Variants in SCN2A observed in about 807,000 individuals in gnomAD.
The protein encoded by SCN2A is sodium channel protein type 2 subunit alpha.
SCN2A carries 20 observed loss-of-function variants against 188.7 expected under a neutral mutation model. That is an observed-to-expected ratio of 0.11 (90% CI 0.07 to 0.15). The LOEUF (loss-of-function observed/expected upper bound fraction) is 0.15, where lower values mean the gene tolerates loss of function less well. SCN2A is among the 10% of genes least tolerant of loss of function. SCN2A has a pLI of 1.00. For missense variants in SCN2A, 1,278 were observed against 2,445.0 expected (o/e 0.52, Z 10.07); for synonymous variants, 804 against 833.1 (o/e 0.97, Z 0.60).
Position 165,327,120 on chromosome 2 carries a change from C to T in SCN2A, c.2149+136C>T, listed in dbSNP as rs140497866. ...CATTTTACTAAATAACAGTAAAATC[C>T]GTGCATAACTCATGGATTCTATTAT... On this transcript the variant is annotated intron_variant, in intron 13 of 26. Coordinates refer to ENST00000375437, the MANE Select transcript of SCN2A (RefSeq NM_001040142.2). 2,095 of 1,112,890 alleles carry T rather than the reference C, an allele frequency of 1.9e-3. 31 individuals carry two copies. The African/African-American group carries it at 0.026, about 14-fold the overall frequency. 68.9% of individuals were successfully genotyped at this position (1,112,890 alleles called of 1,614,324 possible). A position where few individuals can be genotyped will look rare whatever the true frequency, so the allele number is the denominator to read the frequency against.
chr2:165,379,637 C>T (rs1247308377), intron 23 of SCN2A, among the ~76,000 whole-genome samples: 1 of 151,738 alleles, frequency 6.6e-6, no homozygotes, highest in East Asian at 1.9e-4. Flanking sequence ...AATTTTACAT[C>T]ACTGTTAACT....
intron 3 of SCN2A, among the ~76,000 whole-genome samples, chr2:165,301,897 T>C (rs1221686064): frequency 1.3e-5 from 2 of 152,208 alleles, no homozygotes; most frequent in African/African-American, 2.4e-5. Context: ...TATTTAGTTT[T>C]TTCTAAGGCT....
chr2:165,335,706 A>G (rs1031286356), intron 14 of SCN2A, among the ~76,000 whole-genome samples: 1 of 151,862 alleles, frequency 6.6e-6, no homozygotes, highest in East Asian at 1.9e-4. Context: ...CTTAGATATG[A>G]TACCAAAAGC....
At chr2:165,291,035 C>CTTTTTTTTTT (rs55979694) in intron 1 of SCN2A, among the ~76,000 whole-genome samples, 214 of 79,940 alleles carry the variant, frequency 2.7e-3, no homozygotes, top group East Asian at 6.7e-3. Context: ...TCTTTTCTTT[C>CTTTTTTTTTT]TTTTTTTTTT....
In SCN2A at chr2:165,381,154, A is replaced by C. The variant is rs1380398196; in HGVS notation, c.4508A>C (p.Lys1503Thr). 6.3e-7 allele frequency: 1 copy of C among 1,591,092 alleles called. No individual in the cohort carries two copies. Among genetic ancestry groups the C allele is most frequent in the Non-Finnish European group, 8.6e-7 (1 of 1,167,366 alleles). The change falls in exon 25 of 27, where the codon AAA (lysine) becomes ACA (threonine). Residue 1503 changes from lysine to threonine, a missense_variant. By Grantham distance (78) the Lys-to-Thr change is moderately conservative. This residue lies in a region of SCN2A where 97 missense variants were observed against 266.1 expected (regional missense o/e 0.36). Coordinates refer to ENST00000375437, the MANE Select transcript of SCN2A (RefSeq NM_001040142.2). Reference protein sequence around the residue: ...EQKKYYNAMKKLGSKKPQKPI... With the variant: ...EQKKYYNAMKTLGSKKPQKPI... Reference sequence around the variant, plus strand: ...AAGAAATACTACAATGCAATGAAAAAACTGGGTTCAAAGAAACCACAAAAA... The same window carrying C: ...AAGAAATACTACAATGCAATGAAAACACTGGGTTCAAAGAAACCACAAAAA...
chr2:165,378,014 T>C (rs951625777), intron 23 of SCN2A, among the ~76,000 whole-genome samples: 4 of 151,760 alleles, frequency 2.6e-5, no homozygotes, highest in African/African-American at 9.7e-5. Context: ...TCCTCCAGCT[T>C]TTGATCTTCC....
In SCN2A at chr2:165,381,245, C is replaced by G. The variant is rs151253466; in HGVS notation, c.4551+48C>G. 6 of 1,307,632 alleles carry G rather than the reference C, an allele frequency of 4.6e-6. No individual in the cohort carries two copies. In the African/African-American group the frequency reaches 5.9e-5, roughly 13 times the overall value. The allele number at this position is 1,307,632 out of a possible 1,614,324, so 81.0% of individuals were successfully genotyped here. ...GCCTGTTAAAACTATATTACCTAAC[C>G]GTTTCACAGCCCGAATTTCTAGAAA... On this transcript the variant is annotated intron_variant, in intron 25 of 26. Coordinates refer to ENST00000375437, the MANE Select transcript of SCN2A (RefSeq NM_001040142.2).
chr2:165,267,829 CCAA>C (rs778787817), intron 1 of SCN2A: 18 of 151,888 alleles, frequency 1.2e-4, no homozygotes, highest in Non-Finnish European at 1.3e-4. Flanking sequence ...ATACAAATGG[CCAA>C]CAAGTGTATG....
intron 1 of SCN2A, among the ~76,000 whole-genome samples, chr2:165,278,846 C>T (rs760682472): frequency 6.6e-6 from 1 of 152,114 alleles, no homozygotes; most frequent in African/African-American, 2.4e-5. Context: ...GGGAGGATCT[C>T]TTGGGCCTGG....
intron 1 of SCN2A, among the ~76,000 whole-genome samples, chr2:165,278,434 G>C (rs545783125): frequency 3.1e-4 from 47 of 152,206 alleles, no homozygotes; most frequent in African/African-American, 1.1e-3. Context: ...GAGCAAAGAG[G>C]GGAGAGCCCC....
chr2:165,275,027 G>A (rs1312388763), intron 1 of SCN2A, among the ~76,000 whole-genome samples: 5 of 152,226 alleles, frequency 3.3e-5, no homozygotes, highest in African/African-American at 1.2e-4. Context: ...CCAGATGGCA[G>A]GCCTAACTGA....
rs1699479492 is a variant in SCN2A, at chr2:165,344,681, G to A, written c.2689G>A (p.Val897Met). ...GGCCATCATCGTCTTCATTTTTGCT[G>A]TGGTCGGCATGCAGCTCTTTGGTAA... The part of the protein sequence containing the change: ...VLAIIVFIFA[V>M]VGMQLFGKSY... Residue 897 changes from valine to methionine, a missense_variant, in exon 16 of 27, where the codon GTG becomes ATG. Val to Met is a conservative substitution (Grantham distance 21). Around this residue, in one of 17 missense-constraint regions of SCN2A, gnomAD observed 83 missense variants for 256.8 expected, o/e 0.32. Coordinates refer to ENST00000375437, the MANE Select transcript of SCN2A (RefSeq NM_001040142.2). 6.2e-7 allele frequency: 1 copy of A among 1,614,006 alleles called. No individual in the cohort carries two copies.
chr2:165,382,835 C>G (rs1280875950), intron 25 of SCN2A, among the ~76,000 whole-genome samples: 1 of 152,082 alleles, frequency 6.6e-6, no homozygotes, highest in Non-Finnish European at 1.5e-5. Context: ...AACACAGATT[C>G]ATTTTTGAAA....
At chr2:165,323,940 C>T (rs1237678181) in intron 12 of SCN2A, among the ~76,000 whole-genome samples, 1 of 152,106 alleles carries the variant, frequency 6.6e-6, no homozygotes, top group Non-Finnish European at 1.5e-5. Flanking sequence ...ATTTAAATCC[C>T]ATAGTACAAC....
intron 1 of SCN2A, among the ~76,000 whole-genome samples, chr2:165,284,590 C>T (rs1695746322): frequency 6.6e-6 from 1 of 152,088 alleles, no homozygotes; most frequent in African/African-American, 2.4e-5. Context: ...TTTTTCTCCC[C>T]CATAAAAGAG....
chr2:165,311,074 C>G (rs911444036), intron 7 of SCN2A, among the ~76,000 whole-genome samples: 1 of 152,030 alleles, frequency 6.6e-6, no homozygotes, highest in African/African-American at 2.4e-5. Context: ...GTGTGCTCCT[C>G]AGAAGGTTAA....
At position 165,289,189 on chromosome 2, in the gene SCN2A, G is replaced by GA. The variant is rs565003110; in HGVS notation, c.-51-6577dup. 2.2e-3 allele frequency among the ~76,000 whole-genome samples: 327 copies of GA among 151,884 alleles called. 4 individuals are homozygous for GA. Among genetic ancestry groups the GA allele is most frequent in the African/African-American group, 7.4e-3 (307 of 41,470 alleles). ...TGTATTATTAATGTGGATCTTTGTAGAAAAAAATTGTGGTACAATGTTTAT... is the reference window on the plus strand; with the variant it reads ...TGTATTATTAATGTGGATCTTTGTAGAAAAAAAATTGTGGTACAATGTTTAT... On this transcript the variant is annotated intron_variant, in intron 1 of 26. Transcript: ENST00000375437.
At chr2:165,376,686 G>A (rs552722149) in intron 22 of SCN2A, among the ~76,000 whole-genome samples, 1 of 150,036 alleles carries the variant, frequency 6.7e-6, no homozygotes, top group Non-Finnish European at 1.5e-5. Context: ...GGCCCCAAGG[G>A]GGGTTGAAAA....
intron 1 of SCN2A, chr2:165,293,936 C>A: frequency 1.0e-6 from 1 of 957,998 alleles, no homozygotes; most frequent in Non-Finnish European, 1.2e-6. Flanking sequence ...AGTCCCTGTA[C>A]AGGAAATGCC....
Sources: allele counts gnomAD v4.1 joint callset (sites outside exome capture counted in the v4.1 genomes callset), GRCh38; gene constraint gnomAD v4.1.1; regional missense constraint gnomAD v4.1.1; transcripts MANE v1.5; gene names NCBI Gene and HGNC (gene_info 2026-07-23, HGNC 2026-07-21).